TTLL11: variants seen among roughly 807,000 people sequenced by gnomAD.
The protein encoded by TTLL11 is tubulin tyrosine ligase like 11.
TTLL11 carries 42 observed loss-of-function variants against 51.7 expected under a neutral mutation model. The observed-to-expected ratio is 0.81, with a 90% CI of 0.64 to 1.05. TTLL11 has a LOEUF of 1.05. TTLL11 is among the 50% of genes least tolerant of loss of function. TTLL11 has a pLI of 0.00. For synonymous variants in TTLL11, 381 were observed against 383.5 expected (o/e 0.99, Z 0.08); for missense variants, 799 against 940.4 (o/e 0.85, Z 1.97).
At chr9:121,916,505 A>C in intron 6 of TTLL11, among the ~76,000 whole-genome samples, 1 of 145,318 alleles carries the variant, frequency 6.9e-6, no homozygotes, top group Admixed American at 6.7e-5. Flanking sequence ...TTATAATTTT[A>C]AAAACAAAGC....
chr9:121,900,934 G>T (rs529271544), intron 6 of TTLL11, among the ~76,000 whole-genome samples: 2 of 152,174 alleles, frequency 1.3e-5, no homozygotes, highest in East Asian at 3.9e-4. Flanking sequence ...TCAGCCTCCT[G>T]AGTAGCTGAG....
intron 8 of TTLL11, among the ~76,000 whole-genome samples, chr9:121,833,606 G>T (rs558255153): frequency 6.6e-5 from 10 of 152,194 alleles, no homozygotes; most frequent in Non-Finnish European, 1.3e-4. Flanking sequence ...TACAGTTGAG[G>T]AACACAGGCC....
rs140155564 is a variant in TTLL11 at position 121,988,792 on chromosome 9, G to A, written c.1269+403C>T. The A allele has an allele frequency of 5.1e-3, 1,313 of 258,570 alleles. 17 individuals carry two copies. Among genetic ancestry groups the A allele is most frequent in the African/African-American group, 0.027 (1,229 of 45,184 alleles). 16.0% of individuals were successfully genotyped at this position (258,570 alleles called of 1,614,324 possible). ...TCTATGCATCAGCAAGCAAGGCCCTGACTTGCTGTCTCAATAGAACCCAGG... is the reference window on the plus strand; with the variant it reads ...TCTATGCATCAGCAAGCAAGGCCCTAACTTGCTGTCTCAATAGAACCCAGG... On this transcript the variant is annotated intron_variant, in intron 4 of 8. Transcript: ENST00000321582.
intron 6 of TTLL11, among the ~76,000 whole-genome samples, chr9:121,939,761 C>A (rs899763037): frequency 9.2e-5 from 14 of 152,128 alleles, no homozygotes; most frequent in Non-Finnish European, 1.8e-4. Flanking sequence ...CTGAGATAAT[C>A]GCTGGTGCTC....
intron 1 of TTLL11, among the ~76,000 whole-genome samples, chr9:122,075,633 T>C (rs1307111792): frequency 6.6e-6 from 1 of 152,194 alleles, no homozygotes; most frequent in Non-Finnish European, 1.5e-5. Flanking sequence ...GCAACCTGCC[T>C]AGAGAGTCAT....
chr9:121,936,360 T>C (rs1212431771), intron 6 of TTLL11, among the ~76,000 whole-genome samples: 1 of 151,874 alleles, frequency 6.6e-6, no homozygotes, highest in Non-Finnish European at 1.5e-5. Context: ...ATGTCCCAGG[T>C]TCAAGTGATC....
intron 6 of TTLL11, among the ~76,000 whole-genome samples, chr9:121,926,504 G>A (rs1806676): frequency 0.077 from 11,766 of 152,256 alleles, 667 homozygotes; most frequent in African/African-American, 0.16. Flanking sequence ...GGTGCCAGGC[G>A]CTGGGCTGAG....
intron 6 of TTLL11, among the ~76,000 whole-genome samples, chr9:121,920,651 T>C (rs566631185): frequency 6.6e-6 from 1 of 152,334 alleles, no homozygotes; most frequent in African/African-American, 2.4e-5. Flanking sequence ...ACCTCATCTC[T>C]ACAGGAGTGG....
intron 7 of TTLL11, among the ~76,000 whole-genome samples, chr9:121,870,033 G>A (rs926590130): frequency 1.1e-4 from 16 of 152,062 alleles, no homozygotes; most frequent in Admixed American, 1.0e-3. Flanking sequence ...TTTTATATTA[G>A]AACAAATGTA....
intron 1 of TTLL11, among the ~76,000 whole-genome samples, chr9:122,080,051 TG>T (rs1310356417): frequency 6.6e-6 from 1 of 151,992 alleles, no homozygotes; most frequent in Non-Finnish European, 1.5e-5. Flanking sequence ...TTAAAAAGAG[TG>T]AGTTTACATT....
chr9:122,003,483 CTTTTT>C (rs398012131), intron 3 of TTLL11, among the ~76,000 whole-genome samples: 1 of 116,446 alleles, frequency 8.6e-6, no homozygotes. Context: ...GCATACGTTC[CTTTTT>C]TTTTTTTTTT....
chr9:121,856,600 GC>G (rs1226783838), intron 8 of TTLL11, among the ~76,000 whole-genome samples: 1 of 151,930 alleles, frequency 6.6e-6, no homozygotes, highest in East Asian at 1.9e-4. Flanking sequence ...TTATATCCCT[GC>G]AGGGCACAAT....
intron 6 of TTLL11, among the ~76,000 whole-genome samples, chr9:121,926,203 G>A (rs1342944790): frequency 1.3e-5 from 2 of 152,144 alleles, no homozygotes; most frequent in Admixed American, 6.5e-5. Flanking sequence ...AGAGGGGCCC[G>A]GGGCTGGGGT....
intron 1 of TTLL11, among the ~76,000 whole-genome samples, chr9:122,088,586 C>T (rs541774130): frequency 7.2e-5 from 11 of 152,284 alleles, no homozygotes; most frequent in African/African-American, 2.6e-4. Flanking sequence ...CTTTACTGAG[C>T]TGTTGGGAGA....
chr9:121,989,659 G>T lies in TTLL11; in HGVS notation c.805C>A (p.Arg269Ser). 2 of 1,614,154 alleles carry T rather than the reference G, an allele frequency of 1.2e-6. No homozygotes were observed. The highest frequency in any genetic ancestry group is 1.7e-6 in the Non-Finnish European group (2 of 1,180,038). ...IYLIKDPSDI[R>S]LAGTLQSRPA... ...CTGCTCTGGAGGGTCCCTGCCAGGC[G>T]GATGTCACTGGGGTCTTTAATGAGG... The change falls in exon 4 of 9, where the codon CGC becomes AGC. Residue 269 changes from arginine to serine, a missense_variant. By Grantham distance (110) the Arg-to-Ser change is moderately radical. This residue lies in a region of TTLL11 where 468 missense variants were observed against 612.8 expected (regional missense o/e 0.76). Transcript: ENST00000321582. This position sits in a 1 kb window ranked among gnomAD's most constrained non-coding sequence, Gnocchi z 4.2.
chr9:122,026,212 G>A (rs1844330926), intron 3 of TTLL11, among the ~76,000 whole-genome samples: 1 of 152,102 alleles, frequency 6.6e-6, no homozygotes, highest in Non-Finnish European at 1.5e-5. Context: ...GCTGAGGCAG[G>A]CGGATCACTT....
chr9:122,030,776 CAAAAA>C (rs35456581), intron 3 of TTLL11, among the ~76,000 whole-genome samples: 1 of 69,324 alleles, frequency 1.4e-5, no homozygotes, highest in African/African-American at 5.1e-5. Context: ...ACAAAAAATA[CAAAAA>C]AAAAAAAAAA....
intron 6 of TTLL11, among the ~76,000 whole-genome samples, chr9:121,883,475 G>A (rs774514873): frequency 2.9e-4 from 44 of 152,142 alleles, no homozygotes; most frequent in Non-Finnish European, 3.7e-4. Context: ...GGAAGATTTC[G>A]CGGCCTCCTT....
intron 1 of TTLL11, among the ~76,000 whole-genome samples, chr9:122,042,440 C>T (rs778951346): frequency 6.6e-6 from 1 of 152,192 alleles, no homozygotes; most frequent in Non-Finnish European, 1.5e-5. Flanking sequence ...GCAAGGACGT[C>T]GAGCAACAGG....
Sources: gnomAD v4.1 joint callset for allele counts (sites outside exome capture counted in the v4.1 genomes callset) on GRCh38, gnomAD v4.1.1 for gene constraint, gnomAD v4.1.1 regional missense constraint, Gnocchi (gnomAD v3.1) non-coding constraint, MANE v1.5 for transcripts, NCBI Gene and HGNC (gene_info 2026-07-23, HGNC 2026-07-21) for gene names.